The following R3HDM2 variants were observed in gnomAD, a reference collection of about 807,000 sequenced individuals.
The protein encoded by R3HDM2 is R3H domain containing 2.
A neutral mutation model predicts 124.5 loss-of-function variants in R3HDM2; 38 were observed. The observed-to-expected ratio is 0.31, with a 90% CI of 0.24 to 0.40. R3HDM2 has a LOEUF of 0.40. Ranked by LOEUF, R3HDM2 falls within the 10% of genes least tolerant of loss-of-function variation. The probability of loss-of-function intolerance (pLI) is 1.00; values close to 1 mark genes in which losing one functional copy is unlikely to be tolerated. For synonymous variants in R3HDM2, 391 were observed against 448.0 expected, an observed-to-expected ratio of 0.87 and a Z score of 1.61; for missense variants, 869 against 1,236.9, an observed-to-expected ratio of 0.70 and a Z score of 4.46.
rs143239493 is a variant in R3HDM2 at position 57,352,290 on chromosome 12, G to A, written c.-35-41827C>T. On this transcript the variant is annotated intron_variant, in intron 2 of 23. Transcript: ENST00000402412. Reference sequence around the variant, plus strand: ...AATCTAGGGAAAAGAGATCTTTAATGAAAAACTTATGAAATGTTATTGAAG... The same window carrying A: ...AATCTAGGGAAAAGAGATCTTTAATAAAAAACTTATGAAATGTTATTGAAG... Among the ~76,000 whole-genome samples, 177 of 146,396 alleles carry A rather than the reference G, an allele frequency of 1.2e-3. 2 individuals carry two copies. The highest frequency in any genetic ancestry group is 4.2e-3 in the African/African-American group (167 of 40,022).
At chr12:57,317,792 T>C (rs1211610090) in intron 2 of R3HDM2, among the ~76,000 whole-genome samples, 2 of 149,592 alleles carry the variant, frequency 1.3e-5, no homozygotes, top group Non-Finnish European at 3.0e-5. Context: ...CTGGCCAGCA[T>C]AGTGAAACCC....
intron 3 of R3HDM2, among the ~76,000 whole-genome samples, chr12:57,308,228 G>A (rs1457435891): frequency 1.3e-5 from 2 of 151,284 alleles, no homozygotes; most frequent in Non-Finnish European, 2.9e-5. Context: ...CTAATTTTTT[G>A]TATTTTTAGT....
intron 2 of R3HDM2, among the ~76,000 whole-genome samples, chr12:57,360,359 T>A (rs1272862328): frequency 3.3e-5 from 5 of 151,850 alleles, no homozygotes; most frequent in African/African-American, 1.2e-4. Flanking sequence ...TTTTTGGAGA[T>A]TTGCAACAAT....
At chr12:57,358,136 G>A (rs1444951458) in intron 2 of R3HDM2, among the ~76,000 whole-genome samples, 11 of 91,076 alleles carry the variant, frequency 1.2e-4, no homozygotes, top group South Asian at 4.7e-4. Context: ...GTGACGCTAC[G>A]CCCAGCTAAT....
At chr12:57,338,546 C>T (rs955232596) in intron 2 of R3HDM2, among the ~76,000 whole-genome samples, 6 of 152,176 alleles carry the variant, frequency 3.9e-5, no homozygotes, top group South Asian at 2.1e-4. Flanking sequence ...TGAGCCACCA[C>T]GCCCAGCTAA....
At chr12:57,408,981 G>A (rs765136268) in intron 1 of R3HDM2, among the ~76,000 whole-genome samples, 1 of 151,796 alleles carries the variant, frequency 6.6e-6, no homozygotes, top group Non-Finnish European at 1.5e-5. Context: ...TTTTGTATCT[G>A]TTTGTACTCA....
chr12:57,271,288 A>T (rs1002937825), intron 14 of R3HDM2, among the ~76,000 whole-genome samples: 2 of 152,158 alleles, frequency 1.3e-5, no homozygotes, highest in Non-Finnish European at 2.9e-5. Flanking sequence ...GCTAAGCTGG[A>T]GGATAAGACT....
At position 57,395,792 on chromosome 12, in the gene R3HDM2, A is replaced by G; in HGVS notation, c.-79T>C. 6.1e-6 allele frequency: 6 copies of G among 985,158 alleles called. No homozygotes were observed. Among genetic ancestry groups the G allele is most frequent in the Non-Finnish European group, 7.2e-6 (6 of 829,722 alleles). 61.0% of individuals were successfully genotyped at this position (985,158 alleles called of 1,614,324 possible). On this transcript the variant is annotated 5_prime_UTR_variant, in exon 2 of 24. The change abolishes an upstream ATG in the 5' untranslated region. Transcript: ENST00000402412. ...TCCATGAGTCCAGTGCTGGAATGGC[A>G]TCACATATAAGAAACAAGTCTAACC...
intron 6 of R3HDM2, 113 bp downstream of exon 6, chr12:57,299,239 G>A: frequency 1.0e-5 from 13 of 1,242,702 alleles, no homozygotes; most frequent in Non-Finnish European, 1.4e-5. Context: ...AAGCAACCAA[G>A]TTAGCAGAAC....
At chr12:57,412,064 T>C (rs917012701) in intron 1 of R3HDM2, among the ~76,000 whole-genome samples, 24 of 152,212 alleles carry the variant, frequency 1.6e-4, no homozygotes, top group African/African-American at 5.3e-4. Flanking sequence ...GAGGCCTACC[T>C]GGCCATTCGA....
chr12:57,426,034 C>G (rs991131407), intron 1 of R3HDM2, among the ~76,000 whole-genome samples: 3 of 152,054 alleles, frequency 2.0e-5, no homozygotes, highest in Admixed American at 6.5e-5. Context: ...TCGAGAGTGG[C>G]CTGGCCAACA....
intron 2 of R3HDM2, among the ~76,000 whole-genome samples, chr12:57,369,885 A>AT (rs1342546781): frequency 1.3e-4 from 20 of 152,242 alleles, no homozygotes; most frequent in African/African-American, 4.6e-4. Flanking sequence ...TTCTCCTAAG[A>AT]TAACTCTTTG....
intron 1 of R3HDM2, among the ~76,000 whole-genome samples, chr12:57,397,310 G>A (rs2067647274): frequency 6.6e-6 from 1 of 152,098 alleles, no homozygotes; most frequent in African/African-American, 2.4e-5. Flanking sequence ...ATTTCAGGAG[G>A]CCACCATTGG....
At chr12:57,415,929 T>G (rs192057299) in intron 1 of R3HDM2, among the ~76,000 whole-genome samples, 2 of 152,280 alleles carry the variant, frequency 1.3e-5, no homozygotes, top group East Asian at 3.9e-4. Flanking sequence ...AACAATTAAA[T>G]GCAACACATG....
intron 14 of R3HDM2, among the ~76,000 whole-genome samples, chr12:57,279,285 C>T (rs548939061): frequency 1.3e-5 from 2 of 149,750 alleles, no homozygotes; most frequent in Non-Finnish European, 3.0e-5. Context: ...TGGGTTCAAG[C>T]GATTCTCCTG....
Position 57,258,129 on chromosome 12 carries a change from T to A in R3HDM2, c.2310A>T (p.Thr770=). The change falls in exon 21 of 24, where the codon ACA becomes ACT. Residue 770 remains threonine (T), a synonymous_variant. Transcript: ENST00000402412. Reference sequence around the variant, plus strand: ...ATGTGACAGGGCTGCTGCTCATTTGTGTGTTGGCCTGTGGAAAAGAGGAGC... The same window carrying A: ...ATGTGACAGGGCTGCTGCTCATTTGAGTGTTGGCCTGTGGAAAAGAGGAGC... ...YSPDSSPQAN[T]QMSSSPVTSP... is the part of the protein sequence containing the mutation. The A allele has an allele frequency of 5.8e-6, 9 of 1,546,340 alleles. No homozygotes were observed. Among genetic ancestry groups the A allele is most frequent in the Non-Finnish European group, 7.9e-6 (9 of 1,141,024 alleles).
chr12:57,257,969 A>C, intron 21 of R3HDM2, 21 bp downstream of exon 21: 2 of 1,468,958 alleles, frequency 1.4e-6, no homozygotes, highest in Non-Finnish European at 1.8e-6. Flanking sequence ...CATAGCAGCC[A>C]GCACTAATCT....
intron 1 of R3HDM2, among the ~76,000 whole-genome samples, chr12:57,398,650 G>A (rs527930550): frequency 4.6e-5 from 7 of 152,100 alleles, no homozygotes; most frequent in African/African-American, 1.4e-4. Context: ...CACCATGCCC[G>A]GCTAATTTTT....
At chr12:57,305,800 A>T in intron 3 of R3HDM2, 1 of 393,914 alleles carries the variant, frequency 2.5e-6, no homozygotes. Context: ...ACATTTACAG[A>T]TATTGAGTGC....
Sources: allele counts gnomAD v4.1 joint callset (sites outside exome capture counted in the v4.1 genomes callset), GRCh38; gene constraint gnomAD v4.1.1; transcripts MANE v1.5; gene names NCBI Gene and HGNC (gene_info 2026-07-23, HGNC 2026-07-21).